IBTK: variants seen among roughly 807,000 people sequenced by gnomAD.
The protein encoded by IBTK is inhibitor of Bruton tyrosine kinase, also known as BTK-binding protein.
Under a neutral mutation model 154.9 loss-of-function variants are expected in IBTK, and 83 were observed. The observed-to-expected ratio is 0.54, with a 90% CI of 0.45 to 0.64. IBTK has a LOEUF of 0.64. Ranked by LOEUF, IBTK falls within the 30% of genes least tolerant of loss-of-function variation. The pLI, the probability that IBTK is intolerant of heterozygous loss-of-function variation, is 0.00. For synonymous variants in IBTK, 515 were observed against 536.1 expected (o/e 0.96, Z 0.54); for missense variants, 1,332 against 1,584.6 (o/e 0.84, Z 2.71).
In IBTK at chr6:82,181,699, G is replaced by A. The variant is rs112845296; in HGVS notation, c.3725+180C>T. Among the ~76,000 whole-genome samples the A allele has an allele frequency of 5.6e-3, 851 of 152,068 alleles. 9 individuals carry two copies. Among genetic ancestry groups the A allele is most frequent in the African/African-American group, 0.019 (795 of 41,474 alleles). On this transcript the variant is annotated intron_variant, in intron 26 of 28. Transcript: ENST00000306270. ...TTGATTTTAAGTCAATTATATCTCC[G>A]TAACCGTTTCAATTTTTTTTAAGTG...
chr6:82,217,891 A>T, intron 10 of IBTK, 69 bp downstream of exon 10: 1 of 1,080,232 alleles, frequency 9.3e-7, no homozygotes, highest in Non-Finnish European at 1.3e-6. Context: ...TGTCAGTTGA[A>T]CCTAATACTT....
chr6:82,176,581 G>A (rs1768127025), intron 26 of IBTK, among the ~76,000 whole-genome samples: 1 of 150,292 alleles, frequency 6.7e-6, no homozygotes, highest in African/African-American at 2.4e-5. Flanking sequence ...TTACATAAGG[G>A]GACATTTCAG....
intron 16 of IBTK, chr6:82,210,277 T>C (rs1178775939): frequency 6.6e-6 from 1 of 151,602 alleles, no homozygotes; most frequent in Non-Finnish European, 1.5e-5. Flanking sequence ...ATCATAGAAG[T>C]AGCTGGAAAT....
intron 23 of IBTK, among the ~76,000 whole-genome samples, chr6:82,192,742 T>C (rs1458167011): frequency 7.5e-6 from 1 of 132,804 alleles, no homozygotes; most frequent in East Asian, 2.2e-4. Flanking sequence ...GGCGAAACTC[T>C]GTCTCAAAAA....
intron 5 of IBTK, 92 bp downstream of exon 5, chr6:82,227,100 T>C (rs1582243981): frequency 4.0e-6 from 3 of 752,742 alleles, no homozygotes; most frequent in East Asian, 5.3e-5. Context: ...ATTTCGTCCT[T>C]ACAGTTGAAA....
At chr6:82,186,665 T>C (rs916872133) in intron 25 of IBTK, among the ~76,000 whole-genome samples, 22 of 152,136 alleles carry the variant, frequency 1.4e-4, no homozygotes, top group African/African-American at 5.3e-4. Context: ...AAATTACTAA[T>C]TGTAGACAAT....
chr6:82,171,929 T>C (rs1767939405), intron 28 of IBTK, among the ~76,000 whole-genome samples: 3 of 152,214 alleles, frequency 2.0e-5, no homozygotes. Flanking sequence ...CTATGCGTCT[T>C]TTCTGTTTCC....
In IBTK at chr6:82,224,160, C is replaced by T. The variant is rs748600948; in HGVS notation, c.851G>A (p.Arg284Lys). The T allele has an allele frequency of 6.2e-7, 1 of 1,613,866 alleles. No individual in the cohort carries two copies. The highest frequency in any genetic ancestry group is 1.3e-5 in the African/African-American group (1 of 75,028). Residue 284 changes from arginine to lysine, a missense_variant, in exon 7 of 29, where the codon AGG (arginine) becomes AAG (lysine). Coordinates refer to ENST00000306270, the MANE Select transcript of IBTK (RefSeq NM_015525.4). ...GCCTGCTGCAACGCCAATGATTGTC[C>T]TTCCTTTCAGATATTTTGCCTGTAT... Reference protein sequence around the residue: ...RQIQAKYLKGRTIIGVAAGRF... With the variant: ...RQIQAKYLKGKTIIGVAAGRF...
At chr6:82,183,178 G>A (rs1434619307) in intron 25 of IBTK, among the ~76,000 whole-genome samples, 1 of 152,218 alleles carries the variant, frequency 6.6e-6, no homozygotes. Context: ...GGAAGGCCAA[G>A]GCAGGTGGAT....
At position 82,194,490 on chromosome 6, in the gene IBTK, A is replaced by G; in HGVS notation, c.3327T>C (p.Ala1109=). 3.2e-6 allele frequency: 5 copies of G among 1,575,486 alleles called. No homozygotes were observed. Among genetic ancestry groups the G allele is most frequent in the Non-Finnish European group, 4.3e-6 (5 of 1,163,482 alleles). Reference sequence around the variant, plus strand: ...AATAAAAATCCTACCTGAAAGAACCAGCAACCCAACTGGCAGAGCTGGTAG... The same window carrying G: ...AATAAAAATCCTACCTGAAAGAACCGGCAACCCAACTGGCAGAGCTGGTAG... The part of the protein sequence containing the change: ...IDTTSSASWV[A]GSFSPVSPPV... The change falls in exon 23 of 29, where the codon GCT becomes GCC. Residue 1109 remains alanine (A), a synonymous_variant. Transcript: ENST00000306270.
intron 2 of IBTK, 71 bp from the exon 3 acceptor site, chr6:82,234,326 CTATTT>C (rs1431990519): frequency 4.6e-5 from 24 of 519,124 alleles, no homozygotes; most frequent in African/African-American, 3.2e-4. Context: ...CAGTAACTTC[CTATTT>C]TATTATTATT....
intron 3 of IBTK, among the ~76,000 whole-genome samples, chr6:82,233,710 A>AATT (rs761245319): frequency 1.3e-4 from 17 of 129,614 alleles, no homozygotes; most frequent in African/African-American, 5.0e-4. Flanking sequence ...ACATTTGTAA[A>AATT]GTTTTTTTTT....
At chr6:82,200,804 G>A (rs1769182996) in intron 19 of IBTK, 96 bp from the exon 20 acceptor site, 1 of 1,288,340 alleles carries the variant, frequency 7.8e-7, no homozygotes, top group Non-Finnish European at 9.9e-7. Flanking sequence ...CTCTTGCCAT[G>A]TTGGCCAGGC....
At chr6:82,233,237 G>T (rs1770581896) in intron 3 of IBTK, among the ~76,000 whole-genome samples, 2 of 151,782 alleles carry the variant, frequency 1.3e-5, no homozygotes, top group African/African-American at 4.8e-5. Context: ...TGAAGTGAGA[G>T]GATGGCTTAA....
intron 3 of IBTK, among the ~76,000 whole-genome samples, chr6:82,233,044 C>T (rs1275243423): frequency 6.6e-6 from 1 of 151,248 alleles, no homozygotes; most frequent in Non-Finnish European, 1.5e-5. Context: ...CCCAGCTACT[C>T]AGGAGGCTGA....
At chr6:82,192,747 CA>C (rs148526883) in intron 23 of IBTK, among the ~76,000 whole-genome samples, 24,378 of 89,038 alleles carry the variant, frequency 0.27, 1,995 homozygotes, top group African/African-American at 0.3. Context: ...AACTCTGTCT[CA>C]AAAAAAAAAA....
intron 16 of IBTK, among the ~76,000 whole-genome samples, chr6:82,207,922 ATAACT>A (rs1174723321): frequency 8.5e-5 from 13 of 152,280 alleles, no homozygotes; most frequent in East Asian, 5.8e-4. Context: ...AATACAAAAA[ATAACT>A]TAATAAGAAT....
At chr6:82,210,082 T>A (rs1475900616) in intron 16 of IBTK, among the ~76,000 whole-genome samples, 1 of 152,198 alleles carries the variant, frequency 6.6e-6, no homozygotes. Context: ...TGAGTAAACA[T>A]ATCTTGTAAC....
intron 21 of IBTK, among the ~76,000 whole-genome samples, chr6:82,196,944 G>A (rs1769010699): frequency 6.6e-6 from 1 of 152,138 alleles, no homozygotes; most frequent in Non-Finnish European, 1.5e-5. Flanking sequence ...AGAGGCTCCC[G>A]CAGAAGACAA....
Sources: allele counts gnomAD v4.1 joint callset (sites outside exome capture counted in the v4.1 genomes callset), GRCh38; gene constraint gnomAD v4.1.1; transcripts MANE v1.5; gene names NCBI Gene and HGNC (gene_info 2026-07-23, HGNC 2026-07-21).